Variants in LRRTM4 observed in about 807,000 individuals in gnomAD.
LRRTM4 encodes the protein leucine rich repeat transmembrane neuronal 4, also known as leucine-rich repeat transmembrane neuronal protein 4.
A neutral mutation model predicts 47.6 loss-of-function variants in LRRTM4; 25 were observed. That is an observed-to-expected ratio of 0.53 (90% CI 0.38 to 0.73). The LOEUF (loss-of-function observed/expected upper bound fraction) is 0.73, where lower values mean the gene tolerates loss of function less well. Ranked by LOEUF, LRRTM4 falls within the 30% of genes least tolerant of loss-of-function variation. The pLI is 0.00. For synonymous variants in LRRTM4, 311 were observed against 269.5 expected (o/e 1.15, Z -1.51); for missense variants, 638 against 713.4 (o/e 0.89, Z 1.20).
chr2:77,439,348 T>C (rs1675740799), intron 3 of LRRTM4, among the ~76,000 whole-genome samples: 1 of 152,188 alleles, frequency 6.6e-6, no homozygotes, highest in Non-Finnish European at 1.5e-5. Context: ...TATCCTATTT[T>C]CATCTTATGA....
intron 3 of LRRTM4, among the ~76,000 whole-genome samples, chr2:77,172,769 A>G (rs1052686401): frequency 6.6e-6 from 1 of 152,184 alleles, no homozygotes; most frequent in Non-Finnish European, 1.5e-5. Flanking sequence ...TATCTGTGTG[A>G]TATTATTTCT....
At chr2:77,361,065 A>T (rs1230870170) in intron 3 of LRRTM4, among the ~76,000 whole-genome samples, 2 of 151,964 alleles carry the variant, frequency 1.3e-5, no homozygotes, top group African/African-American at 4.8e-5. Flanking sequence ...AGCCTCATAA[A>T]ATTACCAATT....
chr2:77,196,237 T>A (rs983659022), intron 3 of LRRTM4, among the ~76,000 whole-genome samples: 1 of 152,298 alleles, frequency 6.6e-6, no homozygotes, highest in African/African-American at 2.4e-5. Context: ...AGAGTGATGT[T>A]GCAAGATATA....
Position 77,256,246 on chromosome 2 carries a change from C to T in LRRTM4, c.1551+262072G>A, listed in dbSNP as rs112392708. Among the ~76,000 whole-genome samples the T allele has an allele frequency of 4.9e-3, 741 of 152,024 alleles. 4 individuals carry two copies. The highest frequency in any genetic ancestry group is 0.017 in the African/African-American group (690 of 41,472). ...AATTTGAAATAGAGAGTGTAACTTG[C>T]CCAATATCAATTAAGAAATTTGTTT... On this transcript the variant is annotated intron_variant, in intron 3 of 3. Coordinates refer to ENST00000409884, the MANE Select transcript of LRRTM4 (RefSeq NM_001134745.3).
intron 3 of LRRTM4, among the ~76,000 whole-genome samples, chr2:77,216,271 T>C (rs1283448329): frequency 6.6e-6 from 1 of 152,206 alleles, no homozygotes; most frequent in East Asian, 1.9e-4. Context: ...ATCCCAAATA[T>C]CTTAAAATAA....
chr2:76,754,562 T>C (rs1190188823), intron 3 of LRRTM4, among the ~76,000 whole-genome samples: 1 of 152,174 alleles, frequency 6.6e-6, no homozygotes, highest in Non-Finnish European at 1.5e-5. Context: ...CTTCATATCC[T>C]GGCTGCCAAA....
At chr2:77,157,827 C>A (rs1046865264) in intron 3 of LRRTM4, among the ~76,000 whole-genome samples, 2 of 152,084 alleles carry the variant, frequency 1.3e-5, no homozygotes, top group Non-Finnish European at 2.9e-5. Context: ...GCAGGAAACT[C>A]AGGGACAGAG....
chr2:77,067,636 T>C (rs949324699), intron 3 of LRRTM4, among the ~76,000 whole-genome samples: 1 of 149,542 alleles, frequency 6.7e-6, no homozygotes, highest in Non-Finnish European at 1.5e-5. Context: ...AGATACATAT[T>C]ATGAAAAACA....
At chr2:76,791,792 C>G (rs947562222) in intron 3 of LRRTM4, among the ~76,000 whole-genome samples, 10 of 152,176 alleles carry the variant, frequency 6.6e-5, no homozygotes, top group Non-Finnish European at 1.3e-4. Context: ...GGTATACTTA[C>G]TTATTTTGCC....
In LRRTM4 at chr2:76,953,357, C is replaced by T. The variant is rs558119903; in HGVS notation, c.1552-204441G>A. Among the ~76,000 whole-genome samples the T allele has an allele frequency of 1.5e-4, 23 of 151,924 alleles. 1 individual carries two copies. In the East Asian group the frequency reaches 4.3e-3, roughly 28 times the overall value. ...AATCAGTCAGGAAGTGGCAGTACTC[C>T]ATGCAACCTCAAAGCCAAGAATAGT... On this transcript the variant is annotated intron_variant, in intron 3 of 3. Coordinates refer to ENST00000409884, the MANE Select transcript of LRRTM4 (RefSeq NM_001134745.3).
At chr2:76,851,755 G>GTTT (rs34184474) in intron 3 of LRRTM4, among the ~76,000 whole-genome samples, 8 of 117,740 alleles carry the variant, frequency 6.8e-5, no homozygotes, top group South Asian at 3.1e-4. Flanking sequence ...ACTTTTATTC[G>GTTT]TTTTTTTTTT....
intron 3 of LRRTM4, among the ~76,000 whole-genome samples, chr2:76,902,244 C>G (rs545787482): frequency 6.6e-6 from 1 of 152,140 alleles, no homozygotes; most frequent in East Asian, 1.9e-4. Context: ...TCTGGCTACA[C>G]CCAGATATTC....
intron 3 of LRRTM4, among the ~76,000 whole-genome samples, chr2:77,479,040 A>C (rs1002563859): frequency 3.9e-5 from 6 of 151,964 alleles, no homozygotes; most frequent in African/African-American, 1.2e-4. Context: ...GATTATAGGC[A>C]TGTGCCACCA....
At chr2:76,866,987 C>A (rs548456954) in intron 3 of LRRTM4, among the ~76,000 whole-genome samples, 3 of 151,772 alleles carry the variant, frequency 2.0e-5, no homozygotes, top group East Asian at 1.9e-4. Context: ...CCAAACACTG[C>A]ATATTCTCAC....
At chr2:77,133,325 T>A (rs1252590146) in intron 3 of LRRTM4, among the ~76,000 whole-genome samples, 1 of 152,216 alleles carries the variant, frequency 6.6e-6, no homozygotes, top group African/African-American at 2.4e-5. Flanking sequence ...CAATTTACTG[T>A]ATTTTTATTC....
chr2:77,360,607 T>C (rs540420079), intron 3 of LRRTM4, among the ~76,000 whole-genome samples: 1 of 151,788 alleles, frequency 6.6e-6, no homozygotes, highest in Non-Finnish European at 1.5e-5. Context: ...GTGCTTGTAA[T>C]TTGTGGATAA....
chr2:77,360,575 TAC>T (rs1672171723), intron 3 of LRRTM4, among the ~76,000 whole-genome samples: 1 of 151,670 alleles, frequency 6.6e-6, no homozygotes, highest in African/African-American at 2.4e-5. Context: ...CATACATACA[TAC>T]ATACATACAT....
intron 3 of LRRTM4, among the ~76,000 whole-genome samples, chr2:77,407,096 T>C (rs1201173157): frequency 6.6e-6 from 1 of 152,126 alleles, no homozygotes; most frequent in Non-Finnish European, 1.5e-5. Flanking sequence ...TCACTTATAA[T>C]TAGAAGTAAA....
At chr2:76,797,890 G>T (rs1438196712) in intron 3 of LRRTM4, among the ~76,000 whole-genome samples, 3 of 151,490 alleles carry the variant, frequency 2.0e-5, no homozygotes, top group Non-Finnish European at 4.4e-5. Context: ...TGATGGTAAA[G>T]GGATCAATTC....
Sources: gnomAD v4.1 joint callset for allele counts (sites outside exome capture counted in the v4.1 genomes callset) on GRCh38, gnomAD v4.1.1 for gene constraint, MANE v1.5 for transcripts, NCBI Gene and HGNC (gene_info 2026-07-23, HGNC 2026-07-21) for gene names.